AK5: variants seen among roughly 807,000 people sequenced by gnomAD.
AK5 encodes the protein adenylate kinase isoenzyme 5.
In AK5, 27 loss-of-function variants were observed where a neutral mutation model predicts 69.5. The observed-to-expected ratio is 0.39, with a 90% CI of 0.29 to 0.54. The LOEUF is 0.54. AK5 is among the 20% of genes least tolerant of loss of function. The pLI, the probability that AK5 is intolerant of heterozygous loss-of-function variation, is 0.71. For synonymous variants in AK5, 260 were observed against 244.4 expected (o/e 1.06, Z -0.60); for missense variants, 531 against 700.4 (o/e 0.76, Z 2.73).
chr1:77,430,986 G>A (rs1425835039), intron 8 of AK5, among the ~76,000 whole-genome samples: 1 of 152,182 alleles, frequency 6.6e-6, no homozygotes, highest in African/African-American at 2.4e-5. Context: ...TGGTAGGACT[G>A]GGTTCTCCAG....
chr1:77,366,115 C>T (rs558811525), intron 6 of AK5, among the ~76,000 whole-genome samples: 1 of 152,164 alleles, frequency 6.6e-6, no homozygotes, highest in East Asian at 1.9e-4. Flanking sequence ...ATTATAGCTA[C>T]TATTGATAAA....
At chr1:77,339,912 G>A (rs891494277) in intron 5 of AK5, among the ~76,000 whole-genome samples, 3 of 152,076 alleles carry the variant, frequency 2.0e-5, no homozygotes, top group South Asian at 4.2e-4. Flanking sequence ...GAGCCACCAC[G>A]CCCAGCCAGC....
At position 77,367,893 on chromosome 1, in the gene AK5, GATATATATTATATATAAAATATATGTGAT is replaced by G. The variant is rs1557534625; in HGVS notation, c.891+27332_891+27360del. Among the ~76,000 whole-genome samples, 39 of 7,560 alleles carry G rather than the reference GATATATATTATATATAAAATATATGTGAT, an allele frequency of 5.2e-3. 1 individual carries two copies. Among genetic ancestry groups the G allele is most frequent in the African/African-American group, 0.014 (37 of 2,566 alleles). The allele number at this position is 7,560 out of a possible 152,430, so 5.0% of individuals were successfully genotyped here. A position where few individuals can be genotyped will look rare whatever the true frequency, so the allele number is the denominator to read the frequency against. On this transcript the variant is annotated intron_variant, in intron 6 of 13. Coordinates refer to ENST00000354567, the MANE Select transcript of AK5 (RefSeq NM_174858.3). ...GTGATATATAATATAAAATATATGT[GATATATATTATATATAAAATATATGTGAT>G]ATATATTATATATAATATATATGTT...
At chr1:77,335,701 T>C (rs1324866664) in intron 5 of AK5, among the ~76,000 whole-genome samples, 3 of 152,258 alleles carry the variant, frequency 2.0e-5, no homozygotes, top group Admixed American at 1.3e-4. Context: ...AGCATCCTTA[T>C]GGCTGGGGTG....
At chr1:77,506,275 G>T (rs57371116) in intron 10 of AK5, among the ~76,000 whole-genome samples, 25,699 of 151,290 alleles carry the variant, frequency 0.17, 2,452 homozygotes, top group Non-Finnish European at 0.18. Context: ...ATTTTTTGGG[G>T]TTTTTTTAAT....
chr1:77,478,951 C>T (rs527534795), intron 8 of AK5, among the ~76,000 whole-genome samples: 29 of 151,172 alleles, frequency 1.9e-4, no homozygotes, highest in Non-Finnish European at 3.7e-4. Flanking sequence ...TGCATATACA[C>T]CTACACAGGG....
intron 5 of AK5, among the ~76,000 whole-genome samples, chr1:77,329,262 A>G (rs996558325): frequency 8.0e-6 from 1 of 124,876 alleles, no homozygotes; most frequent in African/African-American, 3.1e-5. Flanking sequence ...TTGGATTTTT[A>G]TTGTTGTTAT....
intron 8 of AK5, among the ~76,000 whole-genome samples, chr1:77,440,599 C>A (rs1652263383): frequency 6.6e-6 from 1 of 152,100 alleles, no homozygotes; most frequent in Admixed American, 6.5e-5. Context: ...CTTTCTGAAA[C>A]TTCCAACTTC....
intron 8 of AK5, among the ~76,000 whole-genome samples, chr1:77,459,015 A>G (rs1012771771): frequency 2.0e-5 from 3 of 152,156 alleles, no homozygotes; most frequent in Non-Finnish European, 4.4e-5. Context: ...CTCACTGCAC[A>G]GGGAGTTGGT....
At chr1:77,444,821 C>T (rs904859438) in intron 8 of AK5, among the ~76,000 whole-genome samples, 1 of 150,960 alleles carries the variant, frequency 6.6e-6, no homozygotes, top group African/African-American at 2.4e-5. Context: ...AAGCAGTCCT[C>T]CCACCTTGGC....
chr1:77,394,041 C>T (rs765837516), intron 6 of AK5, among the ~76,000 whole-genome samples: 17 of 151,712 alleles, frequency 1.1e-4, no homozygotes, highest in Non-Finnish European at 2.2e-4. Context: ...ATGGTGAAAC[C>T]CTGTCTCTAC....
intron 8 of AK5, among the ~76,000 whole-genome samples, chr1:77,482,858 G>A (rs893660497): frequency 6.6e-5 from 10 of 151,564 alleles, no homozygotes; most frequent in Non-Finnish European, 1.2e-4. Flanking sequence ...ACAGAAAACT[G>A]TTTCCAACCC....
At chr1:77,514,468 C>T (rs1233356470) in intron 10 of AK5, among the ~76,000 whole-genome samples, 4 of 152,182 alleles carry the variant, frequency 2.6e-5, no homozygotes, top group African/African-American at 7.2e-5. Context: ...AAAGATATGT[C>T]GGTGGCAGTA....
intron 8 of AK5, among the ~76,000 whole-genome samples, chr1:77,457,102 C>T (rs141287555): frequency 1.2e-4 from 18 of 152,258 alleles, no homozygotes; most frequent in South Asian, 2.1e-4. Context: ...TGTGGTCAGG[C>T]GTTGTTCTGA....
intron 5 of AK5, among the ~76,000 whole-genome samples, chr1:77,325,698 G>T (rs995676616): frequency 6.6e-5 from 10 of 151,604 alleles, no homozygotes; most frequent in African/African-American, 2.2e-4. Flanking sequence ...TTATGTGTCT[G>T]CTTCTACAAT....
intron 6 of AK5, among the ~76,000 whole-genome samples, chr1:77,368,336 A>G (rs1378298222): frequency 7.3e-6 from 1 of 136,358 alleles, no homozygotes; most frequent in African/African-American, 2.8e-5. Context: ...TATGTTATAT[A>G]TGTTATATAT....
At chr1:77,531,905 C>G (rs2803171) in intron 12 of AK5, among the ~76,000 whole-genome samples, 3,799 of 151,592 alleles carry the variant, frequency 0.025, 126 homozygotes, top group African/African-American at 0.088. Context: ...AGCCCTGCCC[C>G]GCGGGGAGGC....
chr1:77,389,806 A>G (rs1417615147), intron 6 of AK5, among the ~76,000 whole-genome samples: 2 of 151,992 alleles, frequency 1.3e-5, no homozygotes, highest in Non-Finnish European at 2.9e-5. Context: ...TACAAAAAAT[A>G]CAAGAATCAG....
chr1:77,543,926 T>TAC (rs142574877), intron 13 of AK5, among the ~76,000 whole-genome samples: 2,171 of 147,950 alleles, frequency 0.015, 40 homozygotes, highest in African/African-American at 0.043. Context: ...TATGTGAGAG[T>TAC]ACACACACAC....
Sources: allele counts gnomAD v4.1 joint callset (sites outside exome capture counted in the v4.1 genomes callset), GRCh38; gene constraint gnomAD v4.1.1; transcripts MANE v1.5; gene names NCBI Gene and HGNC (gene_info 2026-07-23, HGNC 2026-07-21).